CCDC171: variants seen among roughly 807,000 people sequenced by gnomAD.
The protein encoded by CCDC171 is coiled-coil domain containing 171, also known as coiled-coil domain-containing protein 171.
In CCDC171, 177 loss-of-function variants were observed where a neutral mutation model predicts 168.2. The observed-to-expected ratio is 1.05, with a 90% confidence interval of 0.93 to 1.19. The LOEUF (loss-of-function observed/expected upper bound fraction) is 1.19. CCDC171 is among the 50% of genes most tolerant of loss of function. The pLI, the probability that CCDC171 is intolerant of heterozygous loss-of-function variation, is 0.00. For missense variants in CCDC171, 1,991 were observed against 1,539.0 expected (o/e 1.29, Z -4.91); for synonymous variants, 687 against 540.8 (o/e 1.27, Z -3.75).
intron 23 of CCDC171, among the ~76,000 whole-genome samples, chr9:15,860,176 T>C (rs2061501826): frequency 6.6e-6 from 1 of 151,832 alleles, no homozygotes; most frequent in Non-Finnish European, 1.5e-5. Flanking sequence ...TTGCTTAGTC[T>C]TACTAAAGGT....
At chr9:15,750,681 A>G (rs2055664861) in intron 18 of CCDC171, among the ~76,000 whole-genome samples, 1 of 152,196 alleles carries the variant, frequency 6.6e-6, no homozygotes, top group Admixed American at 6.5e-5. Flanking sequence ...CAAAAACCAC[A>G]TGATTATCTC....
chr9:15,653,749 G>A (rs1268772036), intron 7 of CCDC171, among the ~76,000 whole-genome samples: 2 of 151,800 alleles, frequency 1.3e-5, no homozygotes, highest in Non-Finnish European at 2.9e-5. Flanking sequence ...TAAAAGATAA[G>A]GGTTTATTTT....
the CCDC171 span, among the ~76,000 whole-genome samples, chr9:16,078,732 G>T: frequency 4.3e-4 from 65 of 152,032 alleles, 1 homozygote; most frequent in East Asian, 0.01. Context: ...TCACCTCTCC[G>T]TTCCCTCACA....
At chr9:15,574,900 A>C (rs2040515089) in intron 3 of CCDC171, among the ~76,000 whole-genome samples, 1 of 152,204 alleles carries the variant, frequency 6.6e-6, no homozygotes, top group Non-Finnish European at 1.5e-5. Flanking sequence ...TTATTAGTAG[A>C]CAGAGGGTAC....
At chr9:15,555,730 A>T (rs1027675469) in intron 1 of CCDC171, among the ~76,000 whole-genome samples, 1 of 152,070 alleles carries the variant, frequency 6.6e-6, no homozygotes, top group Non-Finnish European at 1.5e-5. Flanking sequence ...CATGTGCACA[A>T]TGTGCAGGTT....
chr9:15,669,907 A>G (rs557524535), intron 9 of CCDC171, among the ~76,000 whole-genome samples: 13 of 147,020 alleles, frequency 8.8e-5, no homozygotes, highest in South Asian at 6.6e-4. Flanking sequence ...AAAGATGGCT[A>G]TTTGTTAAAA....
chr9:15,652,062 C>T (rs1189782875), intron 7 of CCDC171, among the ~76,000 whole-genome samples: 3 of 152,080 alleles, frequency 2.0e-5, no homozygotes, highest in Non-Finnish European at 4.4e-5. Flanking sequence ...GTGTGCCTCA[C>T]CACACCCGGC....
At chr9:15,767,822 T>TCCCCCC (rs1261906642) in intron 18 of CCDC171, among the ~76,000 whole-genome samples, 1 of 756 alleles carries the variant, frequency 1.3e-3, no homozygotes, top group Non-Finnish European at 3.0e-3. Flanking sequence ...TCTTTTCTTT[T>TCCCCCC]CTTTCCCTCC....
downstream of CCDC171, among the ~76,000 whole-genome samples, chr9:16,063,196 A>G (rs1833955318): frequency 6.6e-6 from 1 of 152,294 alleles, no homozygotes; most frequent in Admixed American, 6.5e-5. Flanking sequence ...ATTCCTAAGC[A>G]TTTAAGGGGT....
At chr9:15,889,962 C>A (rs1256497669) in intron 24 of CCDC171, among the ~76,000 whole-genome samples, 1 of 152,118 alleles carries the variant, frequency 6.6e-6, no homozygotes, top group East Asian at 1.9e-4. Flanking sequence ...TCAAAGTTCT[C>A]TGCTTATTCT....
At chr9:15,842,226 C>G (rs2060709240) in intron 21 of CCDC171, among the ~76,000 whole-genome samples, 1 of 151,896 alleles carries the variant, frequency 6.6e-6, no homozygotes, top group Non-Finnish European at 1.5e-5. Context: ...TCCCATTAGA[C>G]AAAAGAAAAT....
chr9:16,105,623 C>A, the CCDC171 span, among the ~76,000 whole-genome samples: 9 of 152,268 alleles, frequency 5.9e-5, no homozygotes, highest in African/African-American at 2.2e-4. Context: ...AGGATCTTTC[C>A]TGAGTGAAGA....
intron 24 of CCDC171, among the ~76,000 whole-genome samples, chr9:15,909,691 A>G (rs1823325551): frequency 6.6e-6 from 1 of 152,192 alleles, no homozygotes; most frequent in South Asian, 2.1e-4. Context: ...GTAAAATATT[A>G]TTAAAATATT....
At chr9:15,704,338 C>T (rs1029291484) in intron 11 of CCDC171, among the ~76,000 whole-genome samples, 3 of 152,256 alleles carry the variant, frequency 2.0e-5, no homozygotes, top group Non-Finnish European at 2.9e-5. Context: ...GACTGGGCAA[C>T]ATAATGAGAT....
chr9:16,064,823 A>G (rs1422963709), downstream of CCDC171, among the ~76,000 whole-genome samples: 1 of 152,220 alleles, frequency 6.6e-6, no homozygotes, highest in African/African-American at 2.4e-5. Flanking sequence ...CTTCTACTTT[A>G]CGGCTGGGTC....
chr9:15,716,177 A>G (rs1014621691), intron 11 of CCDC171, among the ~76,000 whole-genome samples: 11 of 152,186 alleles, frequency 7.2e-5, no homozygotes, highest in Admixed American at 6.5e-4. Context: ...TATATTAAGC[A>G]CAAGTATAGA....
chr9:15,640,298 C>G (rs1430064234), intron 7 of CCDC171, among the ~76,000 whole-genome samples: 1 of 152,024 alleles, frequency 6.6e-6, no homozygotes. Flanking sequence ...CATGGCAGTT[C>G]CCGTGTTCTG....
intron 23 of CCDC171, among the ~76,000 whole-genome samples, chr9:15,856,017 A>T (rs1405604904): frequency 6.6e-6 from 1 of 151,558 alleles, no homozygotes; most frequent in East Asian, 1.9e-4. Flanking sequence ...GGTGTTCCTT[A>T]TTTTTTCATG....
chr9:15,672,169 T>G (rs2049165765), intron 9 of CCDC171, among the ~76,000 whole-genome samples: 1 of 152,228 alleles, frequency 6.6e-6, no homozygotes, highest in African/African-American at 2.4e-5. Flanking sequence ...TGTCTGTTCA[T>G]ATCCTTTGCC....
Sources: allele counts gnomAD v4.1 joint callset (sites outside exome capture counted in the v4.1 genomes callset), GRCh38; gene constraint gnomAD v4.1.1; transcripts MANE v1.5; gene names NCBI Gene and HGNC (gene_info 2026-07-23, HGNC 2026-07-21).